The following ADAMTS18 variants were observed in gnomAD, a reference collection of about 807,000 sequenced individuals.
ADAMTS18 encodes the protein A disintegrin and metalloproteinase with thrombospondin motifs 18.
In ADAMTS18, 157 loss-of-function variants were observed where a neutral mutation model predicts 165.9. The ratio of observed to expected loss-of-function variants is 0.95; its 90% CI spans 0.83 to 1.08. The LOEUF (loss-of-function observed/expected upper bound fraction) is 1.08, where lower values mean the gene tolerates loss of function less well. Ranked by LOEUF, ADAMTS18 falls within the 50% of genes least tolerant of loss-of-function variation. The pLI, the probability that ADAMTS18 is intolerant of heterozygous loss-of-function variation, is 0.00. For missense variants in ADAMTS18, 2,040 were observed against 1,534.0 expected (o/e 1.33, Z -5.51); for synonymous variants, 782 against 578.2 (o/e 1.35, Z -5.06).
intron 10 of ADAMTS18, among the ~76,000 whole-genome samples, chr16:77,344,860 G>A (rs774316477): frequency 3.9e-5 from 6 of 152,098 alleles, no homozygotes; most frequent in East Asian, 3.9e-4. Context: ...ATACTCTGAC[G>A]ACCATGAAAG....
At chr16:77,377,483 A>G (rs1362958766) in intron 3 of ADAMTS18, among the ~76,000 whole-genome samples, 4 of 152,254 alleles carry the variant, frequency 2.6e-5, no homozygotes, top group South Asian at 2.1e-4. Flanking sequence ...GTTTGTAACA[A>G]TAGAGCCAGA....
intron 3 of ADAMTS18, among the ~76,000 whole-genome samples, chr16:77,378,473 G>T (rs939696003): frequency 6.6e-6 from 1 of 152,126 alleles, no homozygotes; most frequent in Non-Finnish European, 1.5e-5. Context: ...CCAGCATGTT[G>T]GGAGGCTGAG....
At chr16:77,349,967 T>C (rs1597155000) in intron 10 of ADAMTS18, among the ~76,000 whole-genome samples, 1 of 152,216 alleles carries the variant, frequency 6.6e-6, no homozygotes, top group Non-Finnish European at 1.5e-5. Context: ...GCTACTGAGG[T>C]ACAGGGTCAG....
intron 3 of ADAMTS18, among the ~76,000 whole-genome samples, chr16:77,377,515 G>C (rs2056970124): frequency 6.6e-6 from 1 of 152,154 alleles, no homozygotes; most frequent in South Asian, 2.1e-4. Context: ...AATGATGTAA[G>C]CATATCTTAA....
At chr16:77,385,132 C>T (rs970177778) in intron 3 of ADAMTS18, among the ~76,000 whole-genome samples, 1 of 152,112 alleles carries the variant, frequency 6.6e-6, no homozygotes, top group Non-Finnish European at 1.5e-5. Context: ...TGGTCTCGAA[C>T]TCCTGAACTT....
intron 8 of ADAMTS18, among the ~76,000 whole-genome samples, chr16:77,357,825 T>C (rs758822467): frequency 8.5e-5 from 13 of 152,236 alleles, no homozygotes; most frequent in African/African-American, 1.7e-4. Flanking sequence ...AACTTAGGTA[T>C]GTATTTTATT....
chr16:77,376,072 T>C lies in ADAMTS18; in HGVS notation c.496-8349A>G, dbSNP rs560914839. On this transcript the variant is annotated intron_variant, in intron 3 of 22. Coordinates refer to ENST00000282849, the MANE Select transcript of ADAMTS18 (RefSeq NM_199355.4). ...GCATGGGCCACCACGCCCGGCTAAT[T>C]TTGTATTTTTAGTAAAGACGGGGTT... Among the ~76,000 whole-genome samples the C allele has an allele frequency of 2.6e-5, 4 of 151,858 alleles. No individual in the cohort carries two copies. In the South Asian group the frequency reaches 8.4e-4, roughly 32 times the overall value.
At chr16:77,390,978 C>T (rs568936622) in intron 3 of ADAMTS18, among the ~76,000 whole-genome samples, 1 of 152,296 alleles carries the variant, frequency 6.6e-6, no homozygotes, top group South Asian at 2.1e-4. Flanking sequence ...GTCGGTGATG[C>T]TGCCATTTCT....
intron 3 of ADAMTS18, among the ~76,000 whole-genome samples, chr16:77,378,070 G>A (rs922001646): frequency 2.0e-5 from 3 of 152,148 alleles, no homozygotes; most frequent in African/African-American, 7.2e-5. Context: ...GCACATGCCT[G>A]TAATCCCAGC....
In ADAMTS18 at chr16:77,297,369, T is replaced by C. The variant is rs779044132; in HGVS notation, c.2721A>G (p.Gln907=). 1 of 1,613,764 alleles carries C rather than the reference T, an allele frequency of 6.2e-7. No homozygotes were observed. Among genetic ancestry groups the C allele is most frequent in the East Asian group, 2.2e-5 (1 of 44,868 alleles). The change falls in exon 18 of 23, where the codon CAA becomes CAG. Residue 907 remains glutamine, a synonymous_variant. Transcript: ENST00000282849. ...TTGCACTGCAGAATGAGGAATTGAC[T>C]TGAGTATTTTGATCTCGCAAGCAAA... ...KAICLRDQNT[Q]VNSSFCSAKT...
intron 3 of ADAMTS18, among the ~76,000 whole-genome samples, chr16:77,378,082 C>G (rs1030086281): frequency 6.6e-6 from 1 of 151,960 alleles, no homozygotes; most frequent in East Asian, 1.9e-4. Flanking sequence ...AATCCCAGCA[C>G]TTTGTGAGTC....
At position 77,426,266 on chromosome 16, in the gene ADAMTS18, T is replaced by A. The variant is rs144232572; in HGVS notation, c.495+5029A>T. On this transcript the variant is annotated intron_variant, in intron 3 of 22. Coordinates refer to ENST00000282849, the MANE Select transcript of ADAMTS18 (RefSeq NM_199355.4). ...CTCTTAACAGTTAAAAATTAATACA[T>A]AATATTATAGTATCTATTTTGGGTA... is the stretch of plus-strand genomic sequence containing the variant. Among the ~76,000 whole-genome samples the A allele has an allele frequency of 1.8e-3, 279 of 152,216 alleles. 1 individual carries two copies. Among genetic ancestry groups the A allele is most frequent in the African/African-American group, 6.6e-3 (275 of 41,512 alleles).
At chr16:77,413,679 T>C (rs910050158) in intron 3 of ADAMTS18, among the ~76,000 whole-genome samples, 1 of 151,320 alleles carries the variant, frequency 6.6e-6, no homozygotes, top group African/African-American at 2.4e-5. Flanking sequence ...ACATATGTTA[T>C]TTAGTATACT....
chr16:77,309,871 G>A (rs1259608864), intron 16 of ADAMTS18, among the ~76,000 whole-genome samples: 3 of 152,174 alleles, frequency 2.0e-5, no homozygotes, highest in Non-Finnish European at 4.4e-5. Context: ...GACTTCCTAG[G>A]TGTAAGTTAT....
At chr16:77,429,848 A>G (rs1292927987) in intron 3 of ADAMTS18, among the ~76,000 whole-genome samples, 1 of 152,190 alleles carries the variant, frequency 6.6e-6, no homozygotes, top group Non-Finnish European at 1.5e-5. Context: ...ATAAGAAATA[A>G]TTGAATCCCC....
chr16:77,289,772 A>G (rs2055327419), intron 21 of ADAMTS18, among the ~76,000 whole-genome samples: 1 of 152,194 alleles, frequency 6.6e-6, no homozygotes, highest in East Asian at 1.9e-4. Context: ...AATTCCAGAC[A>G]ATCTGTGCAG....
chr16:77,352,304 A>C (rs988762684), intron 10 of ADAMTS18, among the ~76,000 whole-genome samples: 1 of 147,786 alleles, frequency 6.8e-6, no homozygotes, highest in Non-Finnish European at 1.5e-5. Flanking sequence ...ACTAAAATAA[A>C]GAAGGTAGTT....
chr16:77,397,781 C>T (rs1000209726), intron 3 of ADAMTS18, among the ~76,000 whole-genome samples: 1 of 152,210 alleles, frequency 6.6e-6, no homozygotes. Flanking sequence ...CAGATGTTGG[C>T]TTGTCTGGAA....
Position 77,431,507 on chromosome 16 carries a change from T to G in ADAMTS18, c.283A>C (p.Ser95Arg). The change falls in exon 3 of 23, where the codon AGC becomes CGC. Residue 95 changes from serine to arginine, a missense_variant. Ser to Arg is a moderately radical substitution (Grantham distance 110). Transcript: ENST00000282849. The stretch of plus-strand genomic sequence containing the variant: ...GCTGAAAATCGGTAGTGCAGGGAGC[T>G]TCTGGCATTCTGCGCCGATCGCTTT... ...RKKRSAQNAR[S>R]SLHYRFSAFG... 6.2e-7 allele frequency: 1 copy of G among 1,614,182 alleles called. No individual in the cohort carries two copies. Among genetic ancestry groups the G allele is most frequent in the Non-Finnish European group, 8.5e-7 (1 of 1,180,022 alleles).
Sources: allele counts gnomAD v4.1 joint callset (sites outside exome capture counted in the v4.1 genomes callset), GRCh38; gene constraint gnomAD v4.1.1; transcripts MANE v1.5; gene names NCBI Gene and HGNC (gene_info 2026-07-23, HGNC 2026-07-21).